SOX6: variants seen among roughly 807,000 people sequenced by gnomAD.
SOX6 encodes the protein transcription factor SOX-6.
Under a neutral mutation model 97.8 loss-of-function variants are expected in SOX6, and 11 were observed. That is an observed-to-expected ratio of 0.11 (90% CI 0.07 to 0.19). SOX6 has a LOEUF of 0.19. SOX6 is among the 10% of genes least tolerant of loss of function. SOX6 has a pLI of 1.00. For synonymous variants in SOX6, 360 were observed against 371.4 expected, an observed-to-expected ratio of 0.97 and a Z score of 0.35; for missense variants, 810 against 1,039.5, an observed-to-expected ratio of 0.78 and a Z score of 3.04.
rs79448555 is a variant in SOX6 at position 16,493,202 on chromosome 11, C to A, written n.610-16814G>T. On this transcript the variant is annotated intron_variant and non_coding_transcript_variant, in intron 4 of 5. Transcript: ENST00000524520. ...CCAAACTGGAAATGTCTGTCAACAG[C>A]GGAATGGGCAAACTGTGATATAATC... 1.6e-4 allele frequency among the ~76,000 whole-genome samples: 24 copies of A among 152,192 alleles called. No homozygotes were observed. The East Asian group carries it at 4.2e-3, about 27-fold the overall frequency.
At chr11:16,732,308 G>A (rs987061411) in intron 2 of SOX6, among the ~76,000 whole-genome samples, 2 of 152,156 alleles carry the variant, frequency 1.3e-5, no homozygotes, top group East Asian at 1.9e-4. Context: ...AACAAAGCTG[G>A]AGGCATCACA....
chr11:16,392,152 T>G (rs1565127907), intron 1 of SOX6, among the ~76,000 whole-genome samples: 1 of 152,160 alleles, frequency 6.6e-6, no homozygotes, highest in Admixed American at 6.5e-5. Flanking sequence ...TAAAGCCGCA[T>G]GTTTCTATGT....
Position 16,623,394 on chromosome 11 carries a change from G to C in SOX6, n.430-11134C>G, listed in dbSNP as rs918318268. 2.7e-5 allele frequency among the ~76,000 whole-genome samples: 4 copies of C among 149,338 alleles called. 1 individual carries two copies. Among genetic ancestry groups the C allele is most frequent in the Non-Finnish European group, 6.0e-5 (4 of 67,054 alleles). Reference sequence around the variant, plus strand: ...GAGAATTGTCTATTCATGTCCTTAGGGCACTTTTTTATGGGATTTTTTTTT... The same window carrying C: ...GAGAATTGTCTATTCATGTCCTTAGCGCACTTTTTTATGGGATTTTTTTTT... On this transcript the variant is annotated intron_variant and non_coding_transcript_variant, in intron 3 of 5. Transcript: ENST00000524520.
chr11:16,147,210 G>T (rs1850330021), intron 6 of SOX6, among the ~76,000 whole-genome samples: 3 of 152,006 alleles, frequency 2.0e-5, no homozygotes, highest in Admixed American at 1.3e-4. Flanking sequence ...GAGGGACATG[G>T]ATGAAGCTGG....
chr11:16,415,319 T>C (rs910685156), intron 1 of SOX6, among the ~76,000 whole-genome samples: 2 of 146,548 alleles, frequency 1.4e-5, no homozygotes, highest in Non-Finnish European at 3.0e-5. Flanking sequence ...CATTCTTATA[T>C]GGATGCTTAA....
intron 1 of SOX6, among the ~76,000 whole-genome samples, chr11:16,404,236 T>C (rs1503442): frequency 0.058 from 8,810 of 151,960 alleles, 790 homozygotes; most frequent in African/African-American, 0.19. Flanking sequence ...TAAGACCTCT[T>C]GCTTCATTCA....
intron 6 of SOX6, among the ~76,000 whole-genome samples, chr11:16,144,421 C>T (rs1360654790): frequency 6.6e-6 from 1 of 152,074 alleles, no homozygotes; most frequent in Non-Finnish European, 1.5e-5. Flanking sequence ...AATGGACACC[C>T]TAACATCACA....
At chr11:16,590,091 T>C (rs1848132850) in intron 4 of SOX6, among the ~76,000 whole-genome samples, 1 of 152,198 alleles carries the variant, frequency 6.6e-6, no homozygotes, top group Admixed American at 6.5e-5. Flanking sequence ...GGAGTCACCA[T>C]TTACCTAGAA....
intron 15 of SOX6, among the ~76,000 whole-genome samples, chr11:15,985,463 G>A (rs894613548): frequency 1.3e-5 from 2 of 152,106 alleles, no homozygotes; most frequent in African/African-American, 4.8e-5. Flanking sequence ...ACCCTGCTGT[G>A]CTTCTAGGTC....
intron 4 of SOX6, among the ~76,000 whole-genome samples, chr11:16,198,806 T>G (rs1315579413): frequency 2.6e-5 from 4 of 152,230 alleles, no homozygotes; most frequent in Non-Finnish European, 1.5e-5. Context: ...ATGTTTTCCC[T>G]ACTACACTCT....
chr11:16,121,319 C>T (rs1473107469), intron 6 of SOX6, among the ~76,000 whole-genome samples: 1 of 151,948 alleles, frequency 6.6e-6, no homozygotes, highest in African/African-American at 2.4e-5. Flanking sequence ...AATACTTACA[C>T]AAATAAAAAG....
intron 3 of SOX6, among the ~76,000 whole-genome samples, chr11:16,277,213 G>A (rs1293432596): frequency 6.6e-6 from 1 of 152,090 alleles, no homozygotes; most frequent in Non-Finnish European, 1.5e-5. Flanking sequence ...TCTTTGGGAG[G>A]TAATTAGGTT....
At chr11:16,228,662 C>T (rs559744854) in intron 4 of SOX6, among the ~76,000 whole-genome samples, 1 of 152,062 alleles carries the variant, frequency 6.6e-6, no homozygotes, top group Non-Finnish European at 1.5e-5. Flanking sequence ...ATTTTAGGTG[C>T]TTTTACCACA....
At chr11:16,446,127 T>C (rs1859605973) in intron 1 of SOX6, among the ~76,000 whole-genome samples, 2 of 152,034 alleles carry the variant, frequency 1.3e-5, no homozygotes, top group Non-Finnish European at 2.9e-5. Context: ...ACCTAGATGA[T>C]TCAAGAATCA....
chr11:16,217,191 T>C (rs1397725766), intron 4 of SOX6, among the ~76,000 whole-genome samples: 2 of 152,128 alleles, frequency 1.3e-5, no homozygotes, highest in African/African-American at 4.8e-5. Context: ...CAGTAGGTTT[T>C]CCCACATATT....
intron 1 of SOX6, among the ~76,000 whole-genome samples, chr11:16,373,819 G>T (rs956551511): frequency 8.3e-6 from 1 of 120,152 alleles, no homozygotes; most frequent in African/African-American, 3.0e-5. Context: ...GAGGGAGGGA[G>T]AGAGGAAGGA....
At chr11:16,209,442 T>A (rs973304801) in intron 4 of SOX6, among the ~76,000 whole-genome samples, 1 of 152,098 alleles carries the variant, frequency 6.6e-6, no homozygotes, top group Admixed American at 6.5e-5. Flanking sequence ...CAAATATGTG[T>A]GAAATGTAAA....
intron 6 of SOX6, among the ~76,000 whole-genome samples, chr11:16,174,425 C>A (rs374763407): frequency 3.5e-4 from 53 of 152,028 alleles, no homozygotes; most frequent in African/African-American, 1.3e-3. Flanking sequence ...AGATACTATA[C>A]TTTTTGCATC....
intron 3 of SOX6, among the ~76,000 whole-genome samples, chr11:16,241,008 T>G (rs1853179766): frequency 6.6e-6 from 1 of 151,896 alleles, no homozygotes; most frequent in African/African-American, 2.4e-5. Context: ...TAAGACACTC[T>G]AATTCTTTGG....
Sources: gnomAD v4.1 joint callset for allele counts (sites outside exome capture counted in the v4.1 genomes callset) on GRCh38, gnomAD v4.1.1 for gene constraint, MANE v1.5 for transcripts, NCBI Gene and HGNC (gene_info 2026-07-23, HGNC 2026-07-21) for gene names.